FAM222B: variants seen among roughly 807,000 people sequenced by gnomAD.
FAM222B encodes protein FAM222B.
Under a neutral mutation model 38.0 loss-of-function variants are expected in FAM222B, and 12 were observed. The ratio of observed to expected loss-of-function variants is 0.32; its 90% CI spans 0.20 to 0.51. The LOEUF (loss-of-function observed/expected upper bound fraction) is 0.51. Ranked by LOEUF, FAM222B falls within the 20% of genes least tolerant of loss-of-function variation. The probability of loss-of-function intolerance (pLI) is 0.97; values close to 1 mark genes in which losing one functional copy is unlikely to be tolerated. For missense variants in FAM222B, 716 were observed against 754.2 expected (o/e 0.95, Z 0.59); for synonymous variants, 329 against 317.2 (o/e 1.04, Z -0.40).
chr17:28,804,137 C>A (rs1043778784), intron 1 of FAM222B, among the ~76,000 whole-genome samples: 1 of 152,156 alleles, frequency 6.6e-6, no homozygotes. Context: ...GGACATCTAT[C>A]TTCTCCTCCC....
chr17:28,825,444 A>AC (rs1317262741), intron 1 of FAM222B, among the ~76,000 whole-genome samples: 1 of 151,470 alleles, frequency 6.6e-6, no homozygotes, highest in Non-Finnish European at 1.5e-5. Flanking sequence ...AAAAAAAAAA[A>AC]AAAAAAAAAA....
In FAM222B at chr17:28,758,567, G is replaced by A. The variant is rs747967103; in HGVS notation, c.1392C>T (p.Asp464=). Residue 464 remains aspartate (D), a synonymous_variant, in exon 3 of 3, where the codon GAC becomes GAT. Coordinates refer to ENST00000581407, the MANE Select transcript of FAM222B (RefSeq NM_001077498.3). ...TGGCAAGGTCCTGAGACCCCGAGCT[G>A]TCGCTATTGGGAGTGGGCAGAATGT... ...WNNILPTPNS[D]SSGSQDLAMP... is the part of the protein sequence containing the mutation. The A allele has an allele frequency of 1.4e-4, 226 of 1,610,034 alleles. No homozygotes were observed. The highest frequency in any genetic ancestry group is 1.9e-4 in the Non-Finnish European group (222 of 1,179,884).
Position 28,756,862 on chromosome 17 carries a change from C to T in FAM222B, c.*1408G>A, listed in dbSNP as rs2034722860. ...ACAGTAGTGGATAGTGAACAAAATG[C>T]AAAACCTTAAATAAGAACCATCAGC... is the stretch of plus-strand genomic sequence containing the variant. On this transcript the variant is annotated 3_prime_UTR_variant, in exon 3 of 3. Transcript: ENST00000581407. The T allele has an allele frequency of 6.6e-6, 1 of 152,274 alleles. No individual in the cohort carries two copies. The highest frequency in any genetic ancestry group is 2.4e-5 in the African/African-American group (1 of 41,316). 9.4% of individuals were successfully genotyped at this position (152,274 alleles called of 1,614,324 possible). A position where few individuals can be genotyped will look rare whatever the true frequency, so the allele number is the denominator to read the frequency against.
chr17:28,759,061 G>T lies in FAM222B; in HGVS notation c.898C>A (p.Arg300Ser). Residue 300 changes from arginine to serine, a missense_variant, in exon 3 of 3, where the codon CGC (arginine) becomes AGC (serine). Coordinates refer to ENST00000581407, the MANE Select transcript of FAM222B (RefSeq NM_001077498.3). This position sits in a 1 kb window ranked among gnomAD's most constrained non-coding sequence, Gnocchi z 4.8. ...GTGCTTGCATTGATGAGCAGACTGC[G>T]ACTAATGGGGCTGGGGTTGGCGATC... ...GQIANPSPIS[R>S]SLLINASTRV... 1 of 1,612,492 alleles carries T rather than the reference G, an allele frequency of 6.2e-7. No individual in the cohort carries two copies. The highest frequency in any genetic ancestry group is 8.5e-7 in the Non-Finnish European group (1 of 1,179,278).
chr17:28,758,949 A>G lies in FAM222B; in HGVS notation c.1010T>C (p.Leu337Ser), dbSNP rs755105411. Reference sequence around the variant, plus strand: ...CAGGTTGACAGGACCTGCAGCAGGCAACGCGGCGGTGGCCGCGTGGGTGTG... The same window carrying G: ...CAGGTTGACAGGACCTGCAGCAGGCGACGCGGCGGTGGCCGCGTGGGTGTG... Reference protein sequence around the residue: ...MEHTHAATAALPAAGPVNLPT... With the variant: ...MEHTHAATAASPAAGPVNLPT... Residue 337 changes from leucine (L) to serine (S), a missense_variant, in exon 3 of 3, where the codon TTG (leucine) becomes TCG (serine). Physicochemically the swap from Leu to Ser is moderately radical, Grantham distance 145. Coordinates refer to ENST00000581407, the MANE Select transcript of FAM222B (RefSeq NM_001077498.3). 2.5e-6 allele frequency: 4 copies of G among 1,610,374 alleles called. No homozygotes were observed. Among genetic ancestry groups the G allele is most frequent in the Non-Finnish European group, 3.4e-6 (4 of 1,178,580 alleles).
intron 1 of FAM222B, among the ~76,000 whole-genome samples, chr17:28,840,583 A>G (rs1223437448): frequency 6.6e-6 from 1 of 152,154 alleles, no homozygotes; most frequent in African/African-American, 2.4e-5. Flanking sequence ...TGCCTTATGC[A>G]TATCTGACCT....
intron 1 of FAM222B, among the ~76,000 whole-genome samples, chr17:28,839,230 A>G (rs1018207644): frequency 2.0e-5 from 3 of 152,174 alleles, no homozygotes; most frequent in Non-Finnish European, 4.4e-5. Context: ...AATGATAATA[A>G]TAAGCCAATA....
At chr17:28,779,365 G>A (rs1300757599) in intron 1 of FAM222B, among the ~76,000 whole-genome samples, 1 of 152,102 alleles carries the variant, frequency 6.6e-6, no homozygotes, top group East Asian at 1.9e-4. Flanking sequence ...AGGAATACAA[G>A]GGTGGTTCAA....
intron 1 of FAM222B, among the ~76,000 whole-genome samples, chr17:28,822,673 C>T (rs958934404): frequency 7.5e-5 from 11 of 147,410 alleles, no homozygotes; most frequent in African/African-American, 1.5e-4. Flanking sequence ...TGGTGGCAGG[C>T]GCCTGTAATC....
intron 1 of FAM222B, among the ~76,000 whole-genome samples, chr17:28,822,181 C>G (rs2038249868): frequency 6.6e-6 from 1 of 150,646 alleles, no homozygotes; most frequent in African/African-American, 2.4e-5. Context: ...GCCACCACAC[C>G]CAGCTAATTT....
chr17:28,793,110 G>GT (rs941010173), intron 1 of FAM222B, among the ~76,000 whole-genome samples: 1 of 151,758 alleles, frequency 6.6e-6, no homozygotes, highest in African/African-American at 2.4e-5. Context: ...TAATTTTAAA[G>GT]TTTTTTGTAG....
intron 1 of FAM222B, among the ~76,000 whole-genome samples, chr17:28,795,657 C>T (rs183895572): frequency 1.9e-4 from 29 of 152,144 alleles, no homozygotes; most frequent in Admixed American, 6.5e-4. Flanking sequence ...GTCTCAAACT[C>T]CTGGGTTTAA....
At position 28,853,597 on chromosome 17, in the gene FAM222B, T is replaced by C. The variant is rs9915053; in HGVS notation, c.-41+1353A>G. 7.4e-3 allele frequency among the ~76,000 whole-genome samples: 1,130 copies of C among 152,280 alleles called. 17 individuals carry two copies. The highest frequency in any genetic ancestry group is 0.025 in the African/African-American group (1,034 of 41,564). ...TGCTATATAAATAGTTGTTATACTGTATTGTGTTGTATTTTTGTTGCTATT... is the reference window on the plus strand; with the variant it reads ...TGCTATATAAATAGTTGTTATACTGCATTGTGTTGTATTTTTGTTGCTATT... On this transcript the variant is annotated intron_variant, in intron 1 of 2. Coordinates refer to the FAM222B transcript ENST00000577513.
rs1322575527 is a variant in FAM222B at position 28,847,940 on chromosome 17, AAG to A, written c.-41+7008_-41+7009del. 4.0e-5 allele frequency among the ~76,000 whole-genome samples: 6 copies of A among 151,850 alleles called. No homozygotes were observed. The East Asian group carries it at 7.7e-4, about 20-fold the overall frequency. On this transcript the variant is annotated intron_variant, in intron 1 of 2. Coordinates refer to the FAM222B transcript ENST00000577513. ...AAAAAAAAAAAAAGAAAAGAAAAGAAAGAAAGAAAACAAAATAGTGTAGTGAA... is the reference window on the plus strand; with the variant it reads ...AAAAAAAAAAAAAGAAAAGAAAAGAAAAAGAAAACAAAATAGTGTAGTGAA...
intron 1 of FAM222B, among the ~76,000 whole-genome samples, chr17:28,778,394 G>C (rs964639648): frequency 3.3e-5 from 5 of 151,798 alleles, no homozygotes; most frequent in Non-Finnish European, 5.9e-5. Flanking sequence ...ATGGTTTCCT[G>C]CTTCGTTCAT....
At chr17:28,805,338 C>A (rs914914282) in intron 1 of FAM222B, among the ~76,000 whole-genome samples, 1 of 152,180 alleles carries the variant, frequency 6.6e-6, no homozygotes, top group African/African-American at 2.4e-5. Flanking sequence ...AGTTCGAGAC[C>A]AACCTGGCCA....
Position 28,758,576 on chromosome 17 carries a change from G to C in FAM222B, c.1383C>G (p.Pro461=). ...QPLWNNILPT[P]NSDSSGSQDL... is the part of the protein sequence containing the mutation. Reference sequence around the variant, plus strand: ...CCTGAGACCCCGAGCTGTCGCTATTGGGAGTGGGCAGAATGTTGTTCCACA... The same window carrying C: ...CCTGAGACCCCGAGCTGTCGCTATTCGGAGTGGGCAGAATGTTGTTCCACA... Residue 461 remains proline, a synonymous_variant, in exon 3 of 3, where the codon CCC becomes CCG. Transcript: ENST00000581407. The C allele has an allele frequency of 6.2e-7, 1 of 1,610,404 alleles. No homozygotes were observed. Among genetic ancestry groups the C allele is most frequent in the Non-Finnish European group, 8.5e-7 (1 of 1,179,864 alleles).
At chr17:28,816,802 C>T (rs144427441) in intron 1 of FAM222B, among the ~76,000 whole-genome samples, 4 of 152,170 alleles carry the variant, frequency 2.6e-5, no homozygotes, top group African/African-American at 9.6e-5. Flanking sequence ...TTCAAGAGAA[C>T]AGTAGGCCTG....
intron 1 of FAM222B, among the ~76,000 whole-genome samples, chr17:28,838,615 A>G (rs989045079): frequency 4.0e-5 from 6 of 151,120 alleles, no homozygotes; most frequent in African/African-American, 1.5e-4. Flanking sequence ...AAAACAAAAA[A>G]AAGATTTTTG....
Sources: allele counts gnomAD v4.1 joint callset (sites outside exome capture counted in the v4.1 genomes callset), GRCh38; gene constraint gnomAD v4.1.1; non-coding constraint Gnocchi (gnomAD v3.1); transcripts MANE v1.5; gene names NCBI Gene and HGNC (gene_info 2026-07-23, HGNC 2026-07-21).